The following NXPE2 variants were observed in gnomAD, a reference collection of about 807,000 sequenced individuals.
NXPE2 encodes the protein NXPE family member 2.
In NXPE2, 34 loss-of-function variants were observed where a neutral mutation model predicts 34.4. The observed-to-expected ratio is 0.99, with a 90% CI of 0.75 to 1.31. The LOEUF (loss-of-function observed/expected upper bound fraction) is 1.31, where lower values mean the gene tolerates loss of function less well. Among genes scored for constraint, NXPE2 ranks in the 40% most tolerant of loss-of-function variants. The pLI, the probability that NXPE2 is intolerant of heterozygous loss-of-function variation, is 0.00. For synonymous variants in NXPE2, 235 were observed against 231.3 expected, an observed-to-expected ratio of 1.02 and a Z score of -0.15; for missense variants, 649 against 672.5, an observed-to-expected ratio of 0.97 and a Z score of 0.39.
At chr11:114,493,757 T>G in the NXPE2 span, among the ~76,000 whole-genome samples, 2 of 152,184 alleles carry the variant, frequency 1.3e-5, no homozygotes, top group African/African-American at 4.8e-5. Context: ...ACAATTACGG[T>G]GTTATAATAT....
chr11:114,538,699 G>C, the NXPE2 span, among the ~76,000 whole-genome samples: 1 of 152,124 alleles, frequency 6.6e-6, no homozygotes, highest in African/African-American at 2.4e-5. Context: ...ATCATCACTG[G>C]CCATCAGAGA....
At chr11:114,518,612 T>C in the NXPE2 span, among the ~76,000 whole-genome samples, 1 of 152,172 alleles carries the variant, frequency 6.6e-6, no homozygotes, top group Admixed American at 6.5e-5. Flanking sequence ...AATTGAGAAA[T>C]GGGCAGACCA....
chr11:114,776,212 C>T, the NXPE2 span, among the ~76,000 whole-genome samples: 4,525 of 152,318 alleles, frequency 0.03, 232 homozygotes, highest in African/African-American at 0.1. Context: ...TCTGATCCAG[C>T]GGCCCCCGTG....
the NXPE2 span, among the ~76,000 whole-genome samples, chr11:114,577,844 T>G: frequency 3.3e-5 from 5 of 152,226 alleles, no homozygotes; most frequent in Non-Finnish European, 5.9e-5. Flanking sequence ...TATTCTGTAC[T>G]TCTGTGTTTC....
the NXPE2 span, among the ~76,000 whole-genome samples, chr11:114,790,992 G>A: frequency 2.0e-4 from 30 of 151,222 alleles, 2 homozygotes; most frequent in South Asian, 8.3e-4. Flanking sequence ...TTAAGGAGGC[G>A]TATCTCCAAG....
At chr11:114,716,882 T>A in the NXPE2 span, among the ~76,000 whole-genome samples, 2 of 152,202 alleles carry the variant, frequency 1.3e-5, no homozygotes, top group African/African-American at 4.8e-5. Context: ...AGAACAATTG[T>A]AATGAGTAGT....
rs1295263052 is a variant in NXPE2 at position 114,706,627 on chromosome 11, C to A, written c.1377C>A (p.Ile459=). The part of the protein sequence containing the change: ...TLGQHFRPFP[I]NIFIRRAINI... ...GCCAACACTTCAGACCCTTTCCCAT[C>A]AACATTTTCATCCGTAGGGCCATCA... Residue 459 remains isoleucine, a synonymous_variant, in exon 6 of 6, where the codon ATC becomes ATA. Transcript: ENST00000389586. 1.3e-6 allele frequency: 2 copies of A among 1,551,876 alleles called. No homozygotes were observed. Among genetic ancestry groups the A allele is most frequent in the Non-Finnish European group, 1.7e-6 (2 of 1,147,000 alleles).
the NXPE2 span, among the ~76,000 whole-genome samples, chr11:114,671,742 C>A: frequency 0.098 from 14,965 of 151,934 alleles, 938 homozygotes; most frequent in African/African-American, 0.17. Context: ...CTCAGATAAA[C>A]AAAACTGAGA....
the NXPE2 span, among the ~76,000 whole-genome samples, chr11:114,812,459 C>T: frequency 2.6e-5 from 4 of 152,150 alleles, no homozygotes; most frequent in South Asian, 2.1e-4. Context: ...AGAAATGTTC[C>T]AGCAATGATG....
intron 2 of NXPE2, among the ~76,000 whole-genome samples, chr11:114,686,904 TG>T (rs1019285408): frequency 2.6e-5 from 4 of 152,086 alleles, no homozygotes; most frequent in African/African-American, 9.7e-5. Context: ...GTTGGCCATG[TG>T]TATGTCTTTT....
At chr11:114,777,661 GCTTC>G in the NXPE2 span, among the ~76,000 whole-genome samples, 2 of 152,174 alleles carry the variant, frequency 1.3e-5, no homozygotes, top group Non-Finnish European at 2.9e-5. Context: ...CATTTTCCTG[GCTTC>G]CTTCCTTCCT....
Position 114,703,979 on chromosome 11 carries a change from C to T in NXPE2, c.867-12C>T, listed in dbSNP as rs1242713278. On this transcript the variant is annotated splice_polypyrimidine_tract_variant and intron_variant, in intron 3 of 5. Transcript: ENST00000389586. ...CAGATATTAAGCTAATTTATTTTCCCATTTCTTGCAGGTCCAACATAGGAG... is the reference window on the plus strand; with the variant it reads ...CAGATATTAAGCTAATTTATTTTCCTATTTCTTGCAGGTCCAACATAGGAG... The T allele has an allele frequency of 1.4e-5, 21 of 1,546,202 alleles. No homozygotes were observed. Among genetic ancestry groups the T allele is most frequent in the African/African-American group, 4.1e-5 (3 of 72,896 alleles).
the NXPE2 span, among the ~76,000 whole-genome samples, chr11:114,492,627 G>A: frequency 3.3e-5 from 5 of 151,414 alleles, no homozygotes; most frequent in South Asian, 2.1e-4. Context: ...CAAGCTCCGC[G>A]TCCTGGGTTC....
chr11:114,684,061 G>T (rs2135536732), intron 2 of NXPE2, among the ~76,000 whole-genome samples: 1 of 152,258 alleles, frequency 6.6e-6, no homozygotes, highest in South Asian at 2.1e-4. Flanking sequence ...CTAGGTTTGA[G>T]GTCCTTTTAG....
At chr11:114,519,678 C>T in the NXPE2 span, among the ~76,000 whole-genome samples, 5 of 151,912 alleles carry the variant, frequency 3.3e-5, no homozygotes, top group Admixed American at 6.6e-5. Flanking sequence ...GAAGGAGCAG[C>T]GTGTAGAGTG....
chr11:114,677,112 T>C (rs191633447), upstream of NXPE2, among the ~76,000 whole-genome samples: 3 of 152,016 alleles, frequency 2.0e-5, no homozygotes, highest in African/African-American at 7.2e-5. Context: ...GCTGAGGGTC[T>C]GGTCAGGGAG....
the NXPE2 span, chr11:114,527,914 A>G: frequency 1.4e-5 from 22 of 1,597,324 alleles, no homozygotes; most frequent in Middle Eastern, 3.3e-4. Flanking sequence ...TCAAAAAAAA[A>G]ATAGAACAAT....
the NXPE2 span, among the ~76,000 whole-genome samples, chr11:114,611,769 C>A: frequency 1.3e-5 from 2 of 151,508 alleles, no homozygotes; most frequent in East Asian, 1.9e-4. Context: ...TCATGGGTAA[C>A]CACTGTTACC....
the NXPE2 span, among the ~76,000 whole-genome samples, chr11:114,565,341 T>C: frequency 5.9e-5 from 9 of 152,322 alleles, no homozygotes; most frequent in South Asian, 1.9e-3. Context: ...TAGGTGGCTG[T>C]TACATTCCAC....
Sources: gnomAD v4.1 joint callset for allele counts (sites outside exome capture counted in the v4.1 genomes callset) on GRCh38, gnomAD v4.1.1 for gene constraint, MANE v1.5 for transcripts, NCBI Gene and HGNC (gene_info 2026-07-23, HGNC 2026-07-21) for gene names.